Variants in RORA observed in about 807,000 individuals in gnomAD.
The protein encoded by RORA is RAR related orphan receptor A, also known as nuclear receptor ROR-alpha.
In RORA, 7 loss-of-function variants were observed where a neutral mutation model predicts 69.5. That is an observed-to-expected ratio of 0.10 (90% CI 0.06 to 0.19). The LOEUF (loss-of-function observed/expected upper bound fraction) is 0.19, where lower values mean the gene tolerates loss of function less well. Ranked by LOEUF, RORA falls within the 10% of genes least tolerant of loss-of-function variation. The pLI is 1.00. For missense variants in RORA, 457 were observed against 663.0 expected (o/e 0.69, Z 3.41); for synonymous variants, 261 against 240.8 (o/e 1.08, Z -0.78).
chr15:60,601,089 C>T (rs2068798591), intron 2 of RORA: 2 of 152,162 alleles, frequency 1.3e-5, no homozygotes, highest in African/African-American at 4.8e-5. Flanking sequence ...CACTCCTAAA[C>T]ATTATGCTGC....
chr15:61,116,262 C>A (rs1003032094), intron 1 of RORA, among the ~76,000 whole-genome samples: 1 of 152,118 alleles, frequency 6.6e-6, no homozygotes, highest in Non-Finnish European at 1.5e-5. Context: ...TTAGGCTCAA[C>A]CAAGAGATGA....
At chr15:60,551,606 C>G (rs1238289907) in intron 2 of RORA, among the ~76,000 whole-genome samples, 1 of 152,220 alleles carries the variant, frequency 6.6e-6, no homozygotes, top group African/African-American at 2.4e-5. Context: ...CTACTGTCCT[C>G]TTTCCTGGTC....
intron 2 of RORA, among the ~76,000 whole-genome samples, chr15:60,628,151 G>A (rs554387805): frequency 1.2e-4 from 18 of 152,216 alleles, no homozygotes; most frequent in African/African-American, 4.3e-4. Flanking sequence ...TTTTTACCTG[G>A]TGTCCTCTTC....
intron 1 of RORA, among the ~76,000 whole-genome samples, chr15:60,977,026 C>T (rs1893891385): frequency 6.6e-6 from 1 of 151,338 alleles, no homozygotes; most frequent in African/African-American, 2.4e-5. Context: ...ATGATTAGTA[C>T]CTACTGCCAT....
intron 1 of RORA, among the ~76,000 whole-genome samples, chr15:60,836,361 G>C (rs181200330): frequency 6.6e-6 from 1 of 152,120 alleles, no homozygotes; most frequent in Non-Finnish European, 1.5e-5. Context: ...AGAAGGAGAA[G>C]AGATGTAAAT....
intron 1 of RORA, among the ~76,000 whole-genome samples, chr15:60,785,647 G>T (rs1361892922): frequency 2.6e-5 from 4 of 152,200 alleles, no homozygotes; most frequent in Non-Finnish European, 4.4e-5. Flanking sequence ...CAGGGCTGCA[G>T]CCTCGGTAGC....
intron 1 of RORA, among the ~76,000 whole-genome samples, chr15:61,097,653 G>A (rs1376329226): frequency 6.6e-6 from 1 of 152,134 alleles, no homozygotes; most frequent in Non-Finnish European, 1.5e-5. Flanking sequence ...GTACAAAGGA[G>A]GTGACAAATG....
chr15:60,702,188 T>C (rs774153924), intron 1 of RORA, among the ~76,000 whole-genome samples: 2 of 152,174 alleles, frequency 1.3e-5, no homozygotes, highest in Non-Finnish European at 2.9e-5. Flanking sequence ...ACTGAAATAA[T>C]GATGGTACTC....
At chr15:61,070,298 C>T (rs567413048) in intron 1 of RORA, among the ~76,000 whole-genome samples, 1 of 152,294 alleles carries the variant, frequency 6.6e-6, no homozygotes, top group African/African-American at 2.4e-5. Flanking sequence ...ATCCTAGATA[C>T]CTGGTACCTT....
chr15:60,927,870 TTTATAGAGCAGGA>T (rs1892262224), intron 1 of RORA, among the ~76,000 whole-genome samples: 1 of 152,198 alleles, frequency 6.6e-6, no homozygotes, highest in Non-Finnish European at 1.5e-5. Flanking sequence ...ATGTTCTCAT[TTTATAGAGCAGGA>T]TACTCATTCT....
intron 1 of RORA, among the ~76,000 whole-genome samples, chr15:61,099,160 A>T (rs764766483): frequency 2.0e-5 from 3 of 152,152 alleles, no homozygotes; most frequent in Non-Finnish European, 4.4e-5. Context: ...CACTCTAAAA[A>T]CCTCAAGAAC....
At chr15:60,656,250 G>A (rs1420583199) in intron 2 of RORA, among the ~76,000 whole-genome samples, 1 of 152,188 alleles carries the variant, frequency 6.6e-6, no homozygotes, top group African/African-American at 2.4e-5. Context: ...CACACAGCCA[G>A]GAAACAGCAG....
At chr15:60,673,361 G>A (rs1288751836) in intron 2 of RORA, among the ~76,000 whole-genome samples, 3 of 152,180 alleles carry the variant, frequency 2.0e-5, no homozygotes, top group Non-Finnish European at 2.9e-5. Context: ...GAGAAATCCT[G>A]TTAAGCTTAG....
intron 1 of RORA, among the ~76,000 whole-genome samples, chr15:61,224,998 T>C (rs1277835641): frequency 6.6e-6 from 1 of 152,178 alleles, no homozygotes; most frequent in Non-Finnish European, 1.5e-5. Context: ...AGCAGGTGAC[T>C]AACATTAGAA....
intron 1 of RORA, among the ~76,000 whole-genome samples, chr15:61,016,252 A>G (rs1157448822): frequency 6.6e-6 from 1 of 152,226 alleles, no homozygotes; most frequent in Non-Finnish European, 1.5e-5. Context: ...ATGAGATAAT[A>G]CAAATAAAGC....
At chr15:60,811,705 T>C (rs1490030304) in intron 1 of RORA, among the ~76,000 whole-genome samples, 1 of 152,208 alleles carries the variant, frequency 6.6e-6, no homozygotes, top group Non-Finnish European at 1.5e-5. Flanking sequence ...CATTTATTAT[T>C]ACCCACATCT....
intron 1 of RORA, among the ~76,000 whole-genome samples, chr15:61,218,674 T>TCTCACACACA (rs141433115): frequency 1.5e-4 from 21 of 142,948 alleles, no homozygotes; most frequent in African/African-American, 5.2e-4. Context: ...CTAATATAAC[T>TCTCACACACA]CACACACACA....
intron 1 of RORA, among the ~76,000 whole-genome samples, chr15:61,190,911 A>G (rs2079793014): frequency 6.6e-6 from 1 of 152,148 alleles, no homozygotes; most frequent in African/African-American, 2.4e-5. Context: ...TCATTTTCCC[A>G]CTGGCTTTCC....
chr15:61,137,081 AAG>A (rs2079251105), intron 1 of RORA, among the ~76,000 whole-genome samples: 1 of 150,092 alleles, frequency 6.7e-6, no homozygotes, highest in African/African-American at 2.5e-5. Context: ...GAAAGAAAGA[AAG>A]AAAGAAAGAA....
Sources: gnomAD v4.1 joint callset for allele counts (sites outside exome capture counted in the v4.1 genomes callset) on GRCh38, gnomAD v4.1.1 for gene constraint, MANE v1.5 for transcripts, NCBI Gene and HGNC (gene_info 2026-07-23, HGNC 2026-07-21) for gene names.